Variants in ZNF778 observed in about 807,000 individuals in gnomAD.
ZNF778 encodes the protein zinc finger protein 778.
ZNF778 carries 37 observed loss-of-function variants against 23.9 expected under a neutral mutation model. The observed-to-expected ratio is 1.54, with a 90% CI of 1.19 to 2.03. The LOEUF is 2.03. Ranked by LOEUF, ZNF778 falls within the 30% of genes most tolerant of loss-of-function variation. The pLI is 0.00. For missense variants in ZNF778, 1,297 were observed against 934.4 expected (o/e 1.39, Z -5.06); for synonymous variants, 483 against 343.9 (o/e 1.40, Z -4.48).
chr16:89,221,170 TC>T lies in ZNF778; in HGVS notation c.25+20del. 1 of 1,553,848 alleles carries T rather than the reference TC, an allele frequency of 6.4e-7. No individual in the cohort carries two copies. Among genetic ancestry groups the T allele is most frequent in the Non-Finnish European group, 8.7e-7 (1 of 1,149,642 alleles). The stretch of plus-strand genomic sequence containing the variant: ...GGCCCACGGTAAGTCCTGGTGGGGC[TC>T]CTTCTCAGAGCCTCTGCTCTAGGTC... On this transcript the variant is annotated intron_variant, in intron 2 of 6. Coordinates refer to ENST00000433976, the MANE Select transcript of ZNF778 (RefSeq NM_001201407.2).
chr16:89,220,449 A>G (rs1315467677), intron 1 of ZNF778, among the ~76,000 whole-genome samples: 1 of 152,174 alleles, frequency 6.6e-6, no homozygotes, highest in Non-Finnish European at 1.5e-5. Context: ...CGAGGTCAGG[A>G]GATCAAGACC....
Position 89,227,180 on chromosome 16 carries a change from G to A in ZNF778, c.892G>A (p.Gly298Ser). ...KAFRYTAYLT[G>S]RVQVHPGEKP... is the part of the protein sequence containing the mutation. ...CTTTAGGTACACTGCCTACCTTACT[G>A]GTCGCGTGCAAGTCCACCCTGGGGA... The change falls in exon 7 of 7, where the codon GGT becomes AGT. Residue 298 changes from glycine (G) to serine (S), a missense_variant. Coordinates refer to ENST00000433976, the MANE Select transcript of ZNF778 (RefSeq NM_001201407.2). 6.2e-7 allele frequency: 1 copy of A among 1,613,950 alleles called. No homozygotes were observed. The highest frequency in any genetic ancestry group is 8.5e-7 in the Non-Finnish European group (1 of 1,179,872).
Position 89,226,899 on chromosome 16 carries a change from GA to G in ZNF778, c.615del (p.Ala206ProfsTer57). ...CAGTTTTCCGTGTTGGGTCAGTGTG[GA>G]AAAGCCTTCAGCTCTACTCCAAATG... The part of the protein sequence containing the change: ...GEQFSVLGQC[G>X]KAFSSTPNVV... On this transcript the variant is annotated frameshift_variant, in exon 7 of 7. Coordinates refer to ENST00000433976, the MANE Select transcript of ZNF778 (RefSeq NM_001201407.2). LOFTEE classifies it low-confidence loss of function (END_TRUNC). 1 of 1,614,006 alleles carries G rather than the reference GA, an allele frequency of 6.2e-7. No individual in the cohort carries two copies. Among genetic ancestry groups the G allele is most frequent in the Non-Finnish European group, 8.5e-7 (1 of 1,179,896 alleles).
rs572455510 is a variant in ZNF778, at chr16:89,227,020, G to A, written c.732G>A (p.Ala244=). The A allele has an allele frequency of 1.0e-4, 169 of 1,613,782 alleles. 8 individuals are homozygous for A. In the South Asian group the frequency reaches 1.2e-3, roughly 11 times the overall value. ...ATCAGTCATACCTTCAGGCACGTGC[G>A]GGAAGTCACAACGGAGAAGAAACAT... ...FLNQSYLQAR[A]GSHNGEETWK... The change falls in exon 7 of 7, where the codon GCG becomes GCA. Residue 244 remains alanine (A), a synonymous_variant. Transcript: ENST00000433976.
rs542869537 is a variant in ZNF778 at position 89,234,057 on chromosome 16, G to A, written c.*5495G>A. 6.6e-6 allele frequency: 5 copies of A among 757,316 alleles called. No individual in the cohort carries two copies. The highest frequency in any genetic ancestry group is 1.8e-5 in the African/African-American group (1 of 55,776). 46.9% of individuals were successfully genotyped at this position (757,316 alleles called of 1,614,324 possible). A position where few individuals can be genotyped will look rare whatever the true frequency, so the allele number is the denominator to read the frequency against. On this transcript the variant is annotated 3_prime_UTR_variant, in exon 7 of 7. Coordinates refer to ENST00000433976, the MANE Select transcript of ZNF778 (RefSeq NM_001201407.2). ...CCCCTGGCTCTGACTTCTGCCTCCTGCCCAGCTCTGCAGCTCCCCTTGGGC... is the reference window on the plus strand; with the variant it reads ...CCCCTGGCTCTGACTTCTGCCTCCTACCCAGCTCTGCAGCTCCCCTTGGGC...
In ZNF778 at chr16:89,228,497, T is replaced by C. The variant is rs748874701; in HGVS notation, c.2209T>C (p.Ser737Pro). The C allele has an allele frequency of 1.2e-6, 2 of 1,608,784 alleles. No homozygotes were observed. Among genetic ancestry groups the C allele is most frequent in the Non-Finnish European group, 1.7e-6 (2 of 1,178,524 alleles). ...QVFVCKDCGK[S>P]FKNSSCLNHH... ...TTTTGTATGTAAGGACTGTGGAAAA[T>C]CTTTTAAGAATTCCTCATGCCTTAA... Residue 737 changes from serine (S) to proline (P), a missense_variant, in exon 7 of 7, where the codon TCT becomes CCT. Coordinates refer to ENST00000433976, the MANE Select transcript of ZNF778 (RefSeq NM_001201407.2).
At position 89,221,050 on chromosome 16, in the gene ZNF778, AC is replaced by A; in HGVS notation, c.-77del. The A allele has an allele frequency of 6.6e-7, 1 of 1,510,064 alleles. No individual in the cohort carries two copies. The highest frequency in any genetic ancestry group is 1.4e-5 in the African/African-American group (1 of 72,390). 93.5% of individuals were successfully genotyped at this position (1,510,064 alleles called of 1,614,324 possible). ...AGGAGGAATGGAGACTGTACCTTCC[AC>A]ATAGATTCACAAGCTGCCCTGCAGT... On this transcript the variant is annotated 5_prime_UTR_variant, in exon 2 of 7. It removes the in-frame stop codon of an upstream open reading frame in the 5' UTR. Transcript: ENST00000433976.
rs765521872 is a variant in ZNF778, at chr16:89,226,893, A to G, written c.605A>G (p.Gln202Arg). 6.2e-7 allele frequency: 1 copy of G among 1,614,044 alleles called. No homozygotes were observed. The change falls in exon 7 of 7, where the codon CAG (glutamine) becomes CGG (arginine). Residue 202 changes from glutamine (Q) to arginine (R), a missense_variant. Gln to Arg is a conservative substitution (Grantham distance 43, BLOSUM62 1). Coordinates refer to ENST00000433976, the MANE Select transcript of ZNF778 (RefSeq NM_001201407.2). The part of the protein sequence containing the change: ...KIGEQFSVLG[Q>R]CGKAFSSTPN... ...GGAGAGCAGTTTTCCGTGTTGGGTC[A>G]GTGTGGAAAAGCCTTCAGCTCTACT...
chr16:89,224,879 T>C, intron 5 of ZNF778, 77 bp downstream of exon 5: 5 of 1,048,578 alleles, frequency 4.8e-6, no homozygotes, highest in Non-Finnish European at 7.1e-6. Context: ...GTTTAGCGGC[T>C]ATGGAAGGAT....
At chr16:89,223,866 T>C (rs1285610974) in intron 4 of ZNF778, among the ~76,000 whole-genome samples, 1 of 62,768 alleles carries the variant, frequency 1.6e-5, no homozygotes, top group Non-Finnish European at 5.2e-5. Context: ...AGAGCGAGAC[T>C]CCATCTCAAA....
intron 1 of ZNF778, among the ~76,000 whole-genome samples, 161 bp from the exon 2 acceptor site, chr16:89,220,836 C>T (rs970439244): frequency 2.0e-5 from 3 of 152,204 alleles, no homozygotes; most frequent in Non-Finnish European, 2.9e-5. Context: ...TCTGTTGTGT[C>T]TTTTGACCCA....
Position 89,234,426 on chromosome 16 carries a change from T to C in ZNF778, c.*5864T>C, listed in dbSNP as rs942701773. ...GGTTTGCACTTCTCTTCATTACTGA[T>C]AGTATGAACATGGTTTTGCTTACGC... On this transcript the variant is annotated 3_prime_UTR_variant, in exon 7 of 7. Transcript: ENST00000433976. 11 of 221,088 alleles carry C rather than the reference T, an allele frequency of 5.0e-5. No individual in the cohort carries two copies. Among genetic ancestry groups the C allele is most frequent in the African/African-American group, 2.5e-4 (11 of 43,546 alleles). 13.7% of individuals were successfully genotyped at this position (221,088 alleles called of 1,614,324 possible).
chr16:89,223,398 C>G (rs2031160301), intron 4 of ZNF778, 115 bp downstream of exon 4: 1 of 1,438,874 alleles, frequency 6.9e-7, no homozygotes, highest in African/African-American at 1.4e-5. Context: ...AGAGATATAA[C>G]AACTGTGCTA....
chr16:89,218,995 T>C (rs2030647837), intron 1 of ZNF778, among the ~76,000 whole-genome samples: 1 of 151,864 alleles, frequency 6.6e-6, no homozygotes, highest in Admixed American at 6.6e-5. Flanking sequence ...TAATCCCAGC[T>C]AGTCGGGAGG....
Position 89,232,663 on chromosome 16 carries a change from G to T in ZNF778, c.*4101G>T, listed in dbSNP as rs866176678. 6.6e-6 allele frequency: 8 copies of T among 1,211,884 alleles called. No individual in the cohort carries two copies. The highest frequency in any genetic ancestry group is 4.7e-5 in the African/African-American group (3 of 63,170). The allele number at this position is 1,211,884 out of a possible 1,614,324, so 75.1% of individuals were successfully genotyped here. On this transcript the variant is annotated 3_prime_UTR_variant, in exon 7 of 7. Coordinates refer to ENST00000433976, the MANE Select transcript of ZNF778 (RefSeq NM_001201407.2). ...TTATGTTTTTTTTTTTTTTGTTAGG[G>T]TACATTTTCATCCTGGGGTCTTGCT...
chr16:89,232,815 T>G lies in ZNF778; in HGVS notation c.*4253T>G. 7.8e-7 allele frequency: 1 copy of G among 1,288,530 alleles called. No individual in the cohort carries two copies. The highest frequency in any genetic ancestry group is 1.0e-6 in the Non-Finnish European group (1 of 988,798). The allele number at this position is 1,288,530 out of a possible 1,614,324, so 79.8% of individuals were successfully genotyped here. ...CACATCAACTCACTGCATATGCAACTCAACTCACACCGTATATGCAACTCA... is the reference window on the plus strand; with the variant it reads ...CACATCAACTCACTGCATATGCAACGCAACTCACACCGTATATGCAACTCA... On this transcript the variant is annotated 3_prime_UTR_variant, in exon 7 of 7. Transcript: ENST00000433976.
Position 89,227,482 on chromosome 16 carries a change from C to T in ZNF778, c.1194C>T (p.Cys398=), listed in dbSNP as rs7197077. The T allele has an allele frequency of 0.026, 41,784 of 1,613,382 alleles. 2,470 individuals are homozygous for T. The highest frequency in any genetic ancestry group is 0.22 in the African/African-American group (16,650 of 74,818). ...AGAAGCCCTTTGCATGTGTGGTTTG[C>T]GGAAAATATTTTAGAAATTCCTCAT... is the stretch of plus-strand genomic sequence containing the variant. ...TREKPFACVV[C]GKYFRNSSCL... Residue 398 remains cysteine (C), a synonymous_variant, in exon 7 of 7, where the codon TGC becomes TGT. Coordinates refer to ENST00000433976, the MANE Select transcript of ZNF778 (RefSeq NM_001201407.2).
At position 89,232,485 on chromosome 16, in the gene ZNF778, G is replaced by A; in HGVS notation, c.*3923G>A. On this transcript the variant is annotated 3_prime_UTR_variant, in exon 7 of 7. Coordinates refer to ENST00000433976, the MANE Select transcript of ZNF778 (RefSeq NM_001201407.2). ...GGTTATGGGCAGGACTGCAAGTACTGGTTAGGCAGATACCTGTATTTCTCT... is the reference window on the plus strand; with the variant it reads ...GGTTATGGGCAGGACTGCAAGTACTAGTTAGGCAGATACCTGTATTTCTCT... 2.1e-6 allele frequency: 1 copy of A among 482,964 alleles called. No homozygotes were observed. The highest frequency in any genetic ancestry group is 3.3e-6 in the Non-Finnish European group (1 of 301,926). The allele number at this position is 482,964 out of a possible 1,614,324, so 29.9% of individuals were successfully genotyped here. A position where few individuals can be genotyped will look rare whatever the true frequency, so the allele number is the denominator to read the frequency against.
rs1884437178 is a variant in ZNF778, at chr16:89,237,002, G to C, written c.*8440G>C. The stretch of plus-strand genomic sequence containing the variant: ...GCAGGAGAATCACTTGAACCCAGGA[G>C]GTGGAGGTTGCAGTCAGTCGAGATT... On this transcript the variant is annotated 3_prime_UTR_variant, in exon 7 of 7. Transcript: ENST00000433976. 2 of 152,104 alleles carry C rather than the reference G, an allele frequency of 1.3e-5. No homozygotes were observed. Among genetic ancestry groups the C allele is most frequent in the Admixed American group, 6.6e-5 (1 of 15,260 alleles). 9.4% of individuals were successfully genotyped at this position (152,104 alleles called of 1,614,324 possible). A position where few individuals can be genotyped will look rare whatever the true frequency, so the allele number is the denominator to read the frequency against.
Sources: allele counts gnomAD v4.1 joint callset (sites outside exome capture counted in the v4.1 genomes callset), GRCh38; gene constraint gnomAD v4.1.1; transcripts MANE v1.5; gene names NCBI Gene and HGNC (gene_info 2026-07-23, HGNC 2026-07-21).